The following DYNC2H1 variants were observed in gnomAD, a reference collection of about 807,000 sequenced individuals.
The protein encoded by DYNC2H1 is cytoplasmic dynein 2 heavy chain 1.
Under a neutral mutation model 570.0 loss-of-function variants are expected in DYNC2H1, and 410 were observed. The ratio of observed to expected loss-of-function variants is 0.72; its 90% CI spans 0.66 to 0.78. The LOEUF (loss-of-function observed/expected upper bound fraction) is 0.78, where lower values mean the gene tolerates loss of function less well. Among genes scored for constraint, DYNC2H1 ranks in the 30% least tolerant of loss-of-function variants. The probability of loss-of-function intolerance (pLI) is 0.00; values close to 1 mark genes in which losing one functional copy is unlikely to be tolerated. For missense variants in DYNC2H1, 4,865 were observed against 5,046.4 expected (o/e 0.96, Z 1.09); for synonymous variants, 1,688 against 1,677.6 (o/e 1.01, Z -0.15).
At chr11:103,120,055 G>C (rs1425247040) in intron 6 of DYNC2H1, among the ~76,000 whole-genome samples, 2 of 152,058 alleles carry the variant, frequency 1.3e-5, no homozygotes, top group Non-Finnish European at 2.9e-5. Context: ...TATTAGAAGT[G>C]CAATTTAATG....
At chr11:103,113,396 G>T (rs748109990) in intron 1 of DYNC2H1, 141 bp from the exon 2 acceptor site, 4 of 543,238 alleles carry the variant, frequency 7.4e-6, no homozygotes, top group Non-Finnish European at 1.2e-5. Context: ...GGAAAGAAGA[G>T]ATAAATTGGT....
intron 21 of DYNC2H1, 32 bp downstream of exon 21, chr11:103,152,317 G>T: frequency 6.5e-7 from 1 of 1,540,492 alleles, no homozygotes; most frequent in East Asian, 2.3e-5. Context: ...ATTAAAATGG[G>T]AACTTTTTTC....
intron 83 of DYNC2H1, among the ~76,000 whole-genome samples, chr11:103,382,977 G>A (rs1384551857): frequency 6.6e-6 from 1 of 152,204 alleles, no homozygotes; most frequent in Non-Finnish European, 1.5e-5. Flanking sequence ...ACCTCCCCTA[G>A]AGCTAGAGGA....
chr11:103,127,168 C>T (rs965623530), intron 12 of DYNC2H1, among the ~76,000 whole-genome samples: 2 of 152,126 alleles, frequency 1.3e-5, no homozygotes, highest in Admixed American at 6.5e-5. Context: ...GTTGGGTGAT[C>T]ATTTCAGTCA....
At chr11:103,405,200 A>G (rs1025349463) in intron 84 of DYNC2H1, 1 of 151,942 alleles carries the variant, frequency 6.6e-6, no homozygotes, top group African/African-American at 2.4e-5. Flanking sequence ...CAAAAAAAGT[A>G]GTATTGAGGT....
chr11:103,397,177 T>C (rs1362043997), intron 83 of DYNC2H1, among the ~76,000 whole-genome samples: 2 of 152,180 alleles, frequency 1.3e-5, no homozygotes, highest in African/African-American at 2.4e-5. Flanking sequence ...GAAAACCTTA[T>C]TCCCTCCTAG....
At chr11:103,260,323 G>A (rs1391270669) in intron 70 of DYNC2H1, among the ~76,000 whole-genome samples, 1 of 152,206 alleles carries the variant, frequency 6.6e-6, no homozygotes, top group African/African-American at 2.4e-5. Context: ...TTCTTTGTGT[G>A]TGGGATGTTG....
At position 103,479,827 on chromosome 11, in the gene DYNC2H1, G is replaced by C. The variant is rs1011118459; in HGVS notation, c.*574G>C. ...TAATTCAGGTGACATAATAATGGAG[G>C]ATAAATTCTGGTTATTAAACATTCA... On this transcript the variant is annotated 3_prime_UTR_variant, in exon 89 of 89. Coordinates refer to ENST00000375735, the MANE Select transcript of DYNC2H1 (RefSeq NM_001377.3). The C allele has an allele frequency of 6.6e-6, 1 of 151,968 alleles. No individual in the cohort carries two copies. Among genetic ancestry groups the C allele is most frequent in the African/African-American group, 2.4e-5 (1 of 41,374 alleles). 9.4% of individuals were successfully genotyped at this position (151,968 alleles called of 1,614,324 possible). A position where few individuals can be genotyped will look rare whatever the true frequency, so the allele number is the denominator to read the frequency against.
chr11:103,478,964 G>T, intron 88 of DYNC2H1, 131 bp from the exon 89 acceptor site: 2 of 1,044,120 alleles, frequency 1.9e-6, no homozygotes, highest in South Asian at 1.9e-5. Context: ...GCAGGGGGAT[G>T]ATAGGGGTTC....
Position 103,160,938 on chromosome 11 carries a change from A to G in DYNC2H1, c.4385A>G (p.Asn1462Ser). The change falls in exon 29 of 89, where the codon AAC (asparagine) becomes AGC (serine). Residue 1462 changes from asparagine to serine, a missense_variant. Coordinates refer to ENST00000375735, the MANE Select transcript of DYNC2H1 (RefSeq NM_001377.3). ...CATTGCTTTTATATTTCAGGTATTA[A>G]CAGTGTTTGCTTTGATGAGAAATCA... ...SHLKKLFAGI[N>S]SVCFDEKSKH... 1 of 1,541,670 alleles carries G rather than the reference A, an allele frequency of 6.5e-7. No homozygotes were observed. The highest frequency in any genetic ancestry group is 2.3e-5 in the East Asian group (1 of 42,812).
At chr11:103,406,701 A>G (rs1429820047) in intron 84 of DYNC2H1, 1 of 152,028 alleles carries the variant, frequency 6.6e-6, no homozygotes, top group African/African-American at 2.4e-5. Flanking sequence ...TATATGATTA[A>G]TTGAGGAGTA....
At chr11:103,138,248 G>C (rs1457597641) in intron 17 of DYNC2H1, among the ~76,000 whole-genome samples, 1 of 151,998 alleles carries the variant, frequency 6.6e-6, no homozygotes, top group Non-Finnish European at 1.5e-5. Flanking sequence ...GCCCTGGCCA[G>C]AACTTCCAAC....
At chr11:103,460,062 C>G (rs1426823617) in intron 87 of DYNC2H1, among the ~76,000 whole-genome samples, 5 of 151,810 alleles carry the variant, frequency 3.3e-5, no homozygotes, top group Admixed American at 2.0e-4. Context: ...CTATGTGGCC[C>G]AGGGTGAATT....
chr11:103,380,786 T>G (rs2135578050), intron 83 of DYNC2H1, among the ~76,000 whole-genome samples: 1 of 152,226 alleles, frequency 6.6e-6, no homozygotes, highest in Non-Finnish European at 1.5e-5. Flanking sequence ...GGTCTCAAAC[T>G]CCTGAGCTCA....
At position 103,174,175 on chromosome 11, in the gene DYNC2H1, G is replaced by C. The variant is rs1197517716; in HGVS notation, c.5674+5G>C. 1 of 1,542,096 alleles carries C rather than the reference G, an allele frequency of 6.5e-7. No homozygotes were observed. The highest frequency in any genetic ancestry group is 1.9e-5 in the Admixed American group (1 of 51,666). ...AAAGTGGCACTACACAGAATGGTAT[G>C]ATTGATTATTCCAAATACATTAACT... is the stretch of plus-strand genomic sequence containing the variant. On this transcript the variant is annotated splice_donor_5th_base_variant and intron_variant, in intron 36 of 88. Coordinates refer to ENST00000375735, the MANE Select transcript of DYNC2H1 (RefSeq NM_001377.3).
chr11:103,170,185 AC>A lies in DYNC2H1; in HGVS notation c.5047del (p.Gly1684GlufsTer16), dbSNP rs1322549762. The A allele has an allele frequency of 1.2e-6, 2 of 1,613,102 alleles. No homozygotes were observed. Among genetic ancestry groups the A allele is most frequent in the Non-Finnish European group, 1.7e-6 (2 of 1,179,488 alleles). ...CTCTCACTCAAGCCATGAAGATGGG[AC>A]TTGGAGGAAATCCTTATGGACCAGC... is the stretch of plus-strand genomic sequence containing the variant. The part of the protein sequence containing the change: ...LTLTQAMKMG[L>X]GGNPYGPAGT... On this transcript the variant is annotated frameshift_variant, in exon 33 of 89. Transcript: ENST00000375735. LOFTEE classifies it high-confidence loss of function. This position sits in a 1 kb window ranked among gnomAD's most constrained non-coding sequence, Gnocchi z 4.8.
chr11:103,355,014 A>G (rs1490596257), intron 82 of DYNC2H1, among the ~76,000 whole-genome samples: 1 of 152,070 alleles, frequency 6.6e-6, no homozygotes, highest in Non-Finnish European at 1.5e-5. Context: ...CTGAATAGGC[A>G]TATATTAAGA....
chr11:103,377,232 C>A (rs567920810), intron 83 of DYNC2H1, among the ~76,000 whole-genome samples: 1 of 152,300 alleles, frequency 6.6e-6, no homozygotes, highest in South Asian at 2.1e-4. Flanking sequence ...CTCCCTCTTG[C>A]ACTCATGTAG....
intron 47 of DYNC2H1, 72 bp from the exon 48 acceptor site, chr11:103,197,861 G>A: frequency 1.4e-6 from 2 of 1,462,316 alleles, no homozygotes; most frequent in Non-Finnish European, 1.8e-6. Context: ...AAATGTTTTA[G>A]TAGGCAATGT....
Sources: allele counts gnomAD v4.1 joint callset (sites outside exome capture counted in the v4.1 genomes callset), GRCh38; gene constraint gnomAD v4.1.1; non-coding constraint Gnocchi (gnomAD v3.1); transcripts MANE v1.5; gene names NCBI Gene and HGNC (gene_info 2026-07-23, HGNC 2026-07-21).